Variants in EIPR1 observed in about 807,000 individuals in gnomAD.
The protein encoded by EIPR1 is EARP complex and GARP complex interacting protein 1, also known as EARP and GARP complex-interacting protein 1.
EIPR1 carries 25 observed loss-of-function variants against 48.1 expected under a neutral mutation model. The ratio of observed to expected loss-of-function variants is 0.52; its 90% CI spans 0.38 to 0.73. The LOEUF (loss-of-function observed/expected upper bound fraction) is 0.73. Among genes scored for constraint, EIPR1 ranks in the 30% least tolerant of loss-of-function variants. EIPR1 has a pLI of 0.00. For synonymous variants in EIPR1, 204 were observed against 201.9 expected (o/e 1.01, Z -0.09); for missense variants, 415 against 506.2 (o/e 0.82, Z 1.73).
chr2:3,373,736 A>G (rs1659772255), intron 1 of EIPR1, among the ~76,000 whole-genome samples: 1 of 152,136 alleles, frequency 6.6e-6, no homozygotes, highest in African/African-American at 2.4e-5. Context: ...AGAGAATACA[A>G]ACAAATGGAA....
intron 5 of EIPR1, among the ~76,000 whole-genome samples, chr2:3,204,524 T>C (rs1665160721): frequency 6.6e-6 from 1 of 152,152 alleles, no homozygotes; most frequent in East Asian, 1.9e-4. Flanking sequence ...CAGTAATCTG[T>C]TTTTCGACAT....
chr2:3,318,427 T>A (rs12619610), intron 3 of EIPR1, among the ~76,000 whole-genome samples: 1 of 152,130 alleles, frequency 6.6e-6, no homozygotes, highest in African/African-American at 2.4e-5. Flanking sequence ...GAAGGAGCCA[T>A]AAACAGCACA....
chr2:3,210,404 G>A (rs1665404306), intron 5 of EIPR1, among the ~76,000 whole-genome samples: 1 of 152,110 alleles, frequency 6.6e-6, no homozygotes, highest in South Asian at 2.1e-4. Context: ...AGAGAGGCTG[G>A]GGAGTGAGGC....
intron 3 of EIPR1, among the ~76,000 whole-genome samples, chr2:3,269,308 G>A (rs1257527014): frequency 6.6e-5 from 8 of 121,476 alleles, no homozygotes; most frequent in Non-Finnish European, 1.2e-4. Context: ...CTCAGTCATC[G>A]CACTCAGTCA....
At chr2:3,225,952 T>C (rs1224880032) in intron 4 of EIPR1, among the ~76,000 whole-genome samples, 3 of 152,256 alleles carry the variant, frequency 2.0e-5, no homozygotes, top group African/African-American at 7.2e-5. Flanking sequence ...CCATATTGTT[T>C]CAAACGGCAG....
chr2:3,329,026 T>TC lies in EIPR1; in HGVS notation c.259+8990dup, dbSNP rs766638292. ...ATGATCTCAGGGTGCCAGCCTGGGC[T>TC]CCCTGAATCAGAGCCCACCCACCAC... On this transcript the variant is annotated intron_variant, in intron 3 of 8. Coordinates refer to ENST00000382125, the MANE Select transcript of EIPR1 (RefSeq NM_003310.5). 2.8e-3 allele frequency among the ~76,000 whole-genome samples: 99 copies of TC among 35,342 alleles called. 25 individuals are homozygous for TC. Among genetic ancestry groups the TC allele is most frequent in the East Asian group, 0.011 (3 of 272 alleles). 23.2% of individuals were successfully genotyped at this position (35,342 alleles called of 152,430 possible). A position where few individuals can be genotyped will look rare whatever the true frequency, so the allele number is the denominator to read the frequency against.
chr2:3,315,148 C>T (rs1483938022), intron 3 of EIPR1, among the ~76,000 whole-genome samples: 1 of 103,414 alleles, frequency 9.7e-6, no homozygotes, highest in Non-Finnish European at 1.7e-5. Context: ...ACTAGCATCG[C>T]CCCCATGCCT....
chr2:3,202,631 C>A (rs2103117979), intron 5 of EIPR1, among the ~76,000 whole-genome samples: 1 of 152,272 alleles, frequency 6.6e-6, no homozygotes, highest in East Asian at 1.9e-4. Flanking sequence ...CAGGGCCATT[C>A]CAGAAGGGGA....
intron 3 of EIPR1, among the ~76,000 whole-genome samples, chr2:3,270,402 C>T (rs186497129): frequency 1.3e-4 from 20 of 152,324 alleles, no homozygotes; most frequent in Middle Eastern, 3.4e-3. Context: ...TTTCCTTTTG[C>T]GTCTCCATGC....
intron 3 of EIPR1, among the ~76,000 whole-genome samples, chr2:3,310,016 G>A (rs113426513): frequency 4.7e-4 from 71 of 152,184 alleles, no homozygotes; most frequent in Middle Eastern, 3.4e-3. Flanking sequence ...GAATATTCGC[G>A]TCTCCCCACT....
intron 3 of EIPR1, among the ~76,000 whole-genome samples, chr2:3,295,875 C>CAG (rs1325610655): frequency 1.5e-5 from 2 of 136,690 alleles, no homozygotes; most frequent in Non-Finnish European, 3.1e-5. Context: ...TCTCTCTGCA[C>CAG]ACACCCTCCA....
intron 5 of EIPR1, among the ~76,000 whole-genome samples, chr2:3,202,994 G>A (rs946690975): frequency 6.6e-6 from 1 of 152,210 alleles, no homozygotes; most frequent in Non-Finnish European, 1.5e-5. Flanking sequence ...TCTGGCTGCC[G>A]AGGTAAATGT....
At chr2:3,299,867 A>G (rs1668717727) in intron 3 of EIPR1, among the ~76,000 whole-genome samples, 1 of 152,134 alleles carries the variant, frequency 6.6e-6, no homozygotes, top group Non-Finnish European at 1.5e-5. Flanking sequence ...TCTCGGCACC[A>G]CCACTCACAG....
At chr2:3,363,031 G>A (rs1249164848) in intron 1 of EIPR1, among the ~76,000 whole-genome samples, 5 of 152,162 alleles carry the variant, frequency 3.3e-5, no homozygotes, top group South Asian at 2.1e-4. Flanking sequence ...CATCCTGGGC[G>A]GCCTGCATCT....
chr2:3,326,028 A>C (rs11127408), intron 3 of EIPR1, among the ~76,000 whole-genome samples: 42,047 of 152,122 alleles, frequency 0.28, 7,816 homozygotes, highest in East Asian at 0.64. Context: ...GGGGCTCCTG[A>C]GGCGGCTGCT....
chr2:3,288,783 G>A (rs1386857615), intron 3 of EIPR1, among the ~76,000 whole-genome samples: 1 of 152,230 alleles, frequency 6.6e-6, no homozygotes, highest in East Asian at 1.9e-4. Context: ...ACAGAGGACA[G>A]ACGCGCAGCA....
At chr2:3,289,121 G>C (rs569592310) in intron 3 of EIPR1, among the ~76,000 whole-genome samples, 1 of 152,170 alleles carries the variant, frequency 6.6e-6, no homozygotes, top group Admixed American at 6.5e-5. Context: ...TCTCCCCACC[G>C]GTTTCAGGGG....
intron 5 of EIPR1, among the ~76,000 whole-genome samples, chr2:3,210,337 C>G (rs550145940): frequency 2.6e-5 from 4 of 152,128 alleles, no homozygotes; most frequent in Non-Finnish European, 4.4e-5. Flanking sequence ...AGGGTGAACG[C>G]ATCTCCCACC....
At chr2:3,251,043 G>A (rs1481193967) in intron 4 of EIPR1, among the ~76,000 whole-genome samples, 1 of 152,088 alleles carries the variant, frequency 6.6e-6, no homozygotes, top group African/African-American at 2.4e-5. Flanking sequence ...ATAACAGTGT[G>A]AGATATACTG....
Sources: allele counts gnomAD v4.1 joint callset (sites outside exome capture counted in the v4.1 genomes callset), GRCh38; gene constraint gnomAD v4.1.1; transcripts MANE v1.5; gene names NCBI Gene and HGNC (gene_info 2026-07-23, HGNC 2026-07-21).